The following CHD4 variants were observed in gnomAD, a reference collection of about 807,000 sequenced individuals.
The protein encoded by CHD4 is ATP-dependent chromatin remodeler CHD4.
A neutral mutation model predicts 235.5 loss-of-function variants in CHD4; 35 were observed. The observed-to-expected ratio is 0.15, with a 90% CI of 0.11 to 0.20. The LOEUF (loss-of-function observed/expected upper bound fraction) is 0.20, where lower values mean the gene tolerates loss of function less well. CHD4 is among the 10% of genes least tolerant of loss of function. The probability of loss-of-function intolerance (pLI) is 1.00; values close to 1 mark genes in which losing one functional copy is unlikely to be tolerated. For missense variants in CHD4, 1,329 were observed against 2,432.3 expected (o/e 0.55, Z 9.54); for synonymous variants, 900 against 850.2 (o/e 1.06, Z -1.02).
In CHD4 at chr12:6,598,028, C is replaced by T; in HGVS notation, c.1758G>A (p.Gly586=). The T allele has an allele frequency of 6.2e-7, 1 of 1,614,158 alleles. No homozygotes were observed. Among genetic ancestry groups the T allele is most frequent in the Non-Finnish European group, 8.5e-7 (1 of 1,180,036 alleles). The change falls in exon 12 of 40, where the codon GGG becomes GGA. Residue 586 remains glycine (G), a synonymous_variant. Coordinates refer to ENST00000544040, the MANE Select transcript of CHD4 (RefSeq NM_001273.5). ...TTTTCTCTTCATCACCACCAAAGTC[C>T]CCAGAAGGTGGCTCATCCATATCAT... ...RKNDMDEPPS[G]DFGGDEEKSR...
Position 6,582,285 on chromosome 12 carries a change from T to A in CHD4, c.4371-4A>T. On this transcript the variant is annotated splice_region_variant and splice_polypyrimidine_tract_variant and intron_variant, in intron 29 of 39. Coordinates refer to ENST00000544040, the MANE Select transcript of CHD4 (RefSeq NM_001273.5). The stretch of plus-strand genomic sequence containing the variant: ...CATGAAAAGAGAGACATATGCCCTG[T>A]GTAAAGAAGTAGAGAAAGAGTTAAA... The A allele has an allele frequency of 1.3e-6, 2 of 1,561,532 alleles. No homozygotes were observed. The highest frequency in any genetic ancestry group is 2.4e-5 in the South Asian group (2 of 84,868).
In CHD4 at chr12:6,595,421, C is replaced by T; in HGVS notation, c.2034G>A (p.Met678Ile). Residue 678 changes from methionine (M) to isoleucine (I), a missense_variant, in exon 14 of 40, where the codon ATG becomes ATA. Transcript: ENST00000544040. ...TGCCTGGTCGGCCTTCCTCACCCCT[C>T]ATTAACTCCCTAAAGAAGAAAGACA... ...KQSYWNHRELMRGEEGRPGKK... is the reference protein window; with the variant it reads ...KQSYWNHRELIRGEEGRPGKK... The T allele has an allele frequency of 6.2e-7, 1 of 1,613,856 alleles. No individual in the cohort carries two copies. Among genetic ancestry groups the T allele is most frequent in the East Asian group, 2.2e-5 (1 of 44,870 alleles).
chr12:6,599,802 T>C lies in CHD4; in HGVS notation c.1453A>G (p.Asn485Asp). The change falls in exon 10 of 40, where the codon AAC (asparagine) becomes GAC (aspartate). Residue 485 changes from asparagine to aspartate, a missense_variant. By Grantham distance (23) the Asn-to-Asp change is conservative (BLOSUM62 1). Around this residue, in one of 26 missense-constraint regions of CHD4, gnomAD observed 33 missense variants for 84.2 expected, o/e 0.39. Coordinates refer to ENST00000544040, the MANE Select transcript of CHD4 (RefSeq NM_001273.5). ...CLNPPLPEIP[N>D]GEWLCPRCTC... is the part of the protein sequence containing the mutation. ...CAACGGGGACAGAGCCATTCACCGT[T>C]GGGGATCTCTGGAAGTGGGGGATTC... is the stretch of plus-strand genomic sequence containing the variant. The C allele has an allele frequency of 1.9e-6, 3 of 1,614,166 alleles. No homozygotes were observed. Among genetic ancestry groups the C allele is most frequent in the Non-Finnish European group, 2.5e-6 (3 of 1,180,030 alleles).
In CHD4 at chr12:6,581,385, T is replaced by A. The variant is rs754606685; in HGVS notation, c.4685A>T (p.Asp1562Val). ...GCTATTTTCCTCTATTTTTATCCCA[T>A]CTTCTGCAGAACAATAAAAGACAAT... is the stretch of plus-strand genomic sequence containing the variant. ...NTPAPVPPAE[D>V]GIKIEENSLK... The change falls in exon 32 of 40, where the codon GAT becomes GTT. Residue 1562 changes from aspartate to valine, a missense_variant. Coordinates refer to ENST00000544040, the MANE Select transcript of CHD4 (RefSeq NM_001273.5). The A allele has an allele frequency of 1.2e-6, 2 of 1,613,372 alleles. No homozygotes were observed. Among genetic ancestry groups the A allele is most frequent in the Non-Finnish European group, 1.7e-6 (2 of 1,179,358 alleles).
chr12:6,595,416 C>A lies in CHD4; in HGVS notation c.2039G>T (p.Gly680Val), dbSNP rs771132265. The stretch of plus-strand genomic sequence containing the variant: ...CTTCTTGCCTGGTCGGCCTTCCTCA[C>A]CCCTCATTAACTCCCTAAAGAAGAA... The part of the protein sequence containing the change: ...SYWNHRELMR[G>V]EEGRPGKKLK... Residue 680 changes from glycine (G) to valine (V), a missense_variant, in exon 14 of 40, where the codon GGT (glycine) becomes GTT (valine). Around this residue, in one of 26 missense-constraint regions of CHD4, gnomAD observed 121 missense variants for 177.8 expected, o/e 0.68. Transcript: ENST00000544040. 2.4e-5 allele frequency: 38 copies of A among 1,613,798 alleles called. No individual in the cohort carries two copies. The highest frequency in any genetic ancestry group is 2.8e-5 in the Non-Finnish European group (33 of 1,179,888).
Position 6,591,766 on chromosome 12 carries a change from C to G in CHD4, c.3150G>C (p.Gly1050=), listed in dbSNP as rs762273432. The change falls in exon 21 of 40, where the codon GGG becomes GGC. Residue 1050 remains glycine, a synonymous_variant. Transcript: ENST00000544040. The part of the protein sequence containing the change: ...YDGSALIRAS[G]KLLLLQKMLK... ...GCATTTTCTGCAGCAGCAATAATTT[C>G]CCAGATGCTCTGATTAGGGCACTGC... 1.2e-6 allele frequency: 2 copies of G among 1,614,220 alleles called. No individual in the cohort carries two copies. Among genetic ancestry groups the G allele is most frequent in the Non-Finnish European group, 8.5e-7 (1 of 1,180,036 alleles).
rs1947951681 is a variant in CHD4, at chr12:6,570,776, A to G, written c.5722-83T>C. ...AAGGGAATTCACTGATAGGCCACCCACCCAGTATGTAAAGCTAGGGACATA... is the reference window on the plus strand; with the variant it reads ...AAGGGAATTCACTGATAGGCCACCCGCCCAGTATGTAAAGCTAGGGACATA... On this transcript the variant is annotated intron_variant, in intron 39 of 39. Coordinates refer to ENST00000544040, the MANE Select transcript of CHD4 (RefSeq NM_001273.5). The G allele has an allele frequency of 3.1e-6, 5 of 1,611,786 alleles. No homozygotes were observed. The East Asian group carries it at 1.1e-4, about 36-fold the overall frequency.
Position 6,606,322 on chromosome 12 carries a change from C to T in CHD4, c.52G>A (p.Glu18Lys), listed in dbSNP as rs767174370. 2.5e-6 allele frequency: 4 copies of T among 1,574,862 alleles called. 1 individual carries two copies. Among genetic ancestry groups the T allele is most frequent in the Middle Eastern group, 3.4e-4 (2 of 5,938 alleles). The change falls in exon 2 of 40, where the codon GAG becomes AAG. Residue 18 changes from glutamate to lysine, a missense_variant. Coordinates refer to ENST00000544040, the MANE Select transcript of CHD4 (RefSeq NM_001273.5). Reference sequence around the variant, plus strand: ...TTGTTCAAAAGTGCATCCATATCCTCCTCCTCACTGCCCGCCGAGCAGGGG... The same window carrying T: ...TTGTTCAAAAGTGCATCCATATCCTTCTCCTCACTGCCCGCCGAGCAGGGG... ...PSPCSAGSEEEDMDALLNNSL... is the reference protein window; with the variant it reads ...PSPCSAGSEEKDMDALLNNSL...
Position 6,600,683 on chromosome 12 carries a change from A to G in CHD4, c.928-14T>C. 6.8e-6 allele frequency: 11 copies of G among 1,613,922 alleles called. No individual in the cohort carries two copies. The highest frequency in any genetic ancestry group is 1.1e-5 in the South Asian group (1 of 91,052). On this transcript the variant is annotated splice_polypyrimidine_tract_variant and intron_variant, in intron 7 of 39. Coordinates refer to ENST00000544040, the MANE Select transcript of CHD4 (RefSeq NM_001273.5). Reference sequence around the variant, plus strand: ...ATCATCCTCACTCTGGCAGGATGAAAAAGAATAAGGTTAGACGTTCAAGCC... The same window carrying G: ...ATCATCCTCACTCTGGCAGGATGAAGAAGAATAAGGTTAGACGTTCAAGCC...
intron 23 of CHD4, 54 bp from the exon 24 acceptor site, chr12:6,588,003 T>C: frequency 1.1e-5 from 16 of 1,513,054 alleles, no homozygotes; most frequent in South Asian, 2.3e-5. Flanking sequence ...GTGCCACTCT[T>C]ATCCTGACTT....
At position 6,578,524 on chromosome 12, in the gene CHD4, C is replaced by CTCT. The variant is rs759250013; in HGVS notation, c.5001_5003dup (p.Glu1668dup). On this transcript the variant is annotated inframe_insertion, in exon 35 of 40. Coordinates refer to ENST00000544040, the MANE Select transcript of CHD4 (RefSeq NM_001273.5). ...CATTCTGAAGCATCACCTCTTTTTTCTCTTCTTCTTCTTTCTTCTCTTCTA... is the reference window on the plus strand; with the variant it reads ...CATTCTGAAGCATCACCTCTTTTTTCTCTTCTTCTTCTTCTTTCTTCTCTTCTA... The CTCT allele has an allele frequency of 1.2e-6, 2 of 1,610,974 alleles. No homozygotes were observed. Among genetic ancestry groups the CTCT allele is most frequent in the East Asian group, 2.2e-5 (1 of 44,874 alleles).
chr12:6,570,481 A>C lies in CHD4; in HGVS notation c.*195T>G. 1.5e-6 allele frequency: 1 copy of C among 646,064 alleles called. No homozygotes were observed. The highest frequency in any genetic ancestry group is 1.8e-5 in the African/African-American group (1 of 54,604). 40.0% of individuals were successfully genotyped at this position (646,064 alleles called of 1,614,324 possible). On this transcript the variant is annotated 3_prime_UTR_variant, in exon 40 of 40. Transcript: ENST00000544040. The stretch of plus-strand genomic sequence containing the variant: ...CAGATGGCGCCAGCGCTACTGCTGC[A>C]TGTCTCTTCTGCAGGAAGGGCACCA...
chr12:6,582,587 G>T (rs779952668), intron 29 of CHD4, 28 bp downstream of exon 29: 4 of 1,592,712 alleles, frequency 2.5e-6, no homozygotes, highest in Non-Finnish European at 2.6e-6. Flanking sequence ...CCTTGCTCTA[G>T]ATCAGTCCAC....
chr12:6,593,276 A>G lies in CHD4; in HGVS notation c.2515-48T>C. 1 of 1,612,188 alleles carries G rather than the reference A, an allele frequency of 6.2e-7. No individual in the cohort carries two copies. Among genetic ancestry groups the G allele is most frequent in the East Asian group, 2.2e-5 (1 of 44,876 alleles). On this transcript the variant is annotated intron_variant, in intron 16 of 39. Coordinates refer to ENST00000544040, the MANE Select transcript of CHD4 (RefSeq NM_001273.5). This position sits in a 1 kb window ranked among gnomAD's most constrained non-coding sequence, Gnocchi z 4.9. ...CACTACTAGTCAGTTCCTCTGTGTA[A>G]GCACAACCAGGAGACTGATGGAATG...
Position 6,600,237 on chromosome 12 carries a change from T to G in CHD4, c.1222A>C (p.Lys408Gln), listed in dbSNP as rs1333764520. Residue 408 changes from lysine (K) to glutamine (Q), a missense_variant, in exon 9 of 40, where the codon AAG becomes CAG. By Grantham distance (53) the Lys-to-Gln change is moderately conservative (BLOSUM62 1). This residue lies in a region of CHD4 where 37 missense variants were observed against 49.9 expected (regional missense o/e 0.74). Transcript: ENST00000544040. ...CTCACGCAGTGTGGGCAGCTCCACT[T>G]GCCCTCGGGAGCCTTCTCCATGTCG... ...DPDMEKAPEG[K>Q]WSCPHCEKEG... 2 of 1,614,024 alleles carry G rather than the reference T, an allele frequency of 1.2e-6. No individual in the cohort carries two copies. Among genetic ancestry groups the G allele is most frequent in the African/African-American group, 1.3e-5 (1 of 74,912 alleles).
intron 37 of CHD4, among the ~76,000 whole-genome samples, chr12:6,577,521 C>T (rs1383419280): frequency 2.0e-5 from 3 of 152,014 alleles, no homozygotes; most frequent in African/African-American, 7.3e-5. Flanking sequence ...CTGAATACTC[C>T]AATCTGCAGT....
chr12:6,585,088 A>G (rs1948258258), intron 25 of CHD4, among the ~76,000 whole-genome samples: 1 of 152,244 alleles, frequency 6.6e-6, no homozygotes, highest in African/African-American at 2.4e-5. Context: ...CACCAGAACC[A>G]ATGCCAACTG....
intron 2 of CHD4, chr12:6,602,884 G>A (rs543735218): frequency 5.7e-6 from 1 of 176,188 alleles, no homozygotes; most frequent in African/African-American, 2.4e-5. Context: ...ACCAGGGAAT[G>A]AGAATGAAAG....
chr12:6,594,429 C>T (rs200285314), intron 15 of CHD4, 30 bp downstream of exon 15: 1 of 1,572,918 alleles, frequency 6.4e-7, no homozygotes, highest in African/African-American at 1.4e-5. Context: ...AACACCCACA[C>T]AAAAAACTAT....
Sources: gnomAD v4.1 joint callset for allele counts (sites outside exome capture counted in the v4.1 genomes callset) on GRCh38, gnomAD v4.1.1 for gene constraint, gnomAD v4.1.1 regional missense constraint, Gnocchi (gnomAD v3.1) non-coding constraint, MANE v1.5 for transcripts, NCBI Gene and HGNC (gene_info 2026-07-23, HGNC 2026-07-21) for gene names.